The following EZH2 variants were observed in gnomAD, a reference collection of about 807,000 sequenced individuals.
EZH2 encodes the protein enhancer of zeste 2 polycomb repressive complex 2 subunit, also known as histone-lysine N-methyltransferase EZH2.
Under a neutral mutation model 98.4 loss-of-function variants are expected in EZH2, and 18 were observed. That is an observed-to-expected ratio of 0.18 (90% confidence interval 0.13 to 0.27). The LOEUF (loss-of-function observed/expected upper bound fraction) is 0.27, where lower values mean the gene tolerates loss of function less well. EZH2 is among the 10% of genes least tolerant of loss of function. The pLI, the probability that EZH2 is intolerant of heterozygous loss-of-function variation, is 1.00. For missense variants in EZH2, 470 were observed against 935.1 expected (o/e 0.50, Z 6.49); for synonymous variants, 338 against 312.3 (o/e 1.08, Z -0.87).
At position 148,832,745 on chromosome 7, in the gene EZH2, C is replaced by T. The variant is rs763126462; in HGVS notation, c.252G>A (p.Ser84=). 1.3e-6 allele frequency: 2 copies of T among 1,593,430 alleles called. No individual in the cohort carries two copies. The highest frequency in any genetic ancestry group is 1.4e-5 in the African/African-American group (1 of 74,062). The change falls in exon 4 of 20, where the codon TCG becomes TCA. Residue 84 remains serine, a synonymous_variant. Coordinates refer to ENST00000320356, the MANE Select transcript of EZH2 (RefSeq NM_004456.5). ...VSSLRGTREC[S]VTSDLDFPTQ... ...TTGGAAAATCCAAGTCACTGGTCAC[C>T]GAACACTAAAACAGAAAAAATAAAA...
chr7:148,839,632 C>T (rs1377317644), intron 3 of EZH2, among the ~76,000 whole-genome samples: 1 of 151,706 alleles, frequency 6.6e-6, no homozygotes, highest in African/African-American at 2.4e-5. Context: ...GAAACCTCTG[C>T]CTCCTGGGTT....
chr7:148,883,203 T>A (rs977756473), intron 1 of EZH2: 7 of 152,328 alleles, frequency 4.6e-5, no homozygotes, highest in African/African-American at 1.7e-4. Flanking sequence ...TCACTAGGCG[T>A]TCACCAAGTT....
At chr7:148,873,343 C>A (rs1045188625) in intron 1 of EZH2, among the ~76,000 whole-genome samples, 1 of 151,646 alleles carries the variant, frequency 6.6e-6, no homozygotes, top group African/African-American at 2.4e-5. Context: ...AATACAAAAA[C>A]TAGCCGGGCG....
In EZH2 at chr7:148,846,739, T is replaced by C. The variant is rs1814155807; in HGVS notation, c.118-141A>G. ...TCTTAGGTGCATATAGATTTTACAC[T>C]ATAGTTTCCCACATTCAAATAATAC... On this transcript the variant is annotated intron_variant, in intron 2 of 19. Coordinates refer to ENST00000320356, the MANE Select transcript of EZH2 (RefSeq NM_004456.5). 7.0e-6 allele frequency: 5 copies of C among 716,596 alleles called. No homozygotes were observed. The East Asian group carries it at 1.4e-4, about 20-fold the overall frequency. 44.4% of individuals were successfully genotyped at this position (716,596 alleles called of 1,614,324 possible).
At chr7:148,866,192 C>G (rs1482003580) in intron 1 of EZH2, among the ~76,000 whole-genome samples, 2 of 151,970 alleles carry the variant, frequency 1.3e-5, no homozygotes, top group Non-Finnish European at 2.9e-5. Flanking sequence ...AATTTCAAAC[C>G]CTTCAAGTAC....
intron 15 of EZH2, among the ~76,000 whole-genome samples, chr7:148,812,303 G>C (rs1462289490): frequency 6.6e-6 from 1 of 152,158 alleles, no homozygotes; most frequent in Non-Finnish European, 1.5e-5. Flanking sequence ...TCATGATCTT[G>C]TCAGTCCAGT....
At chr7:148,819,210 C>G (rs1805341322) in intron 9 of EZH2, among the ~76,000 whole-genome samples, 1 of 152,034 alleles carries the variant, frequency 6.6e-6, no homozygotes, top group Non-Finnish European at 1.5e-5. Context: ...GACAGTGCAT[C>G]TAAAACTCAA....
At chr7:148,849,369 TAA>T (rs1292137919) in intron 1 of EZH2, among the ~76,000 whole-genome samples, 1 of 152,158 alleles carries the variant, frequency 6.6e-6, no homozygotes, top group South Asian at 2.1e-4. Context: ...AGGGGGCAAC[TAA>T]AGTCTGGCTG....
chr7:148,828,593 A>G, intron 6 of EZH2, 147 bp downstream of exon 6: 2 of 1,071,118 alleles, frequency 1.9e-6, no homozygotes, highest in Non-Finnish European at 2.7e-6. Flanking sequence ...TGGCCATAAT[A>G]TGTTAATTTT....
At chr7:148,813,031 A>T (rs866693023) in intron 15 of EZH2, among the ~76,000 whole-genome samples, 3 of 149,634 alleles carry the variant, frequency 2.0e-5, no homozygotes, top group South Asian at 4.2e-4. Context: ...CAACAAAGAT[A>T]TGTCTACTCT....
At chr7:148,871,416 A>AG (rs1283408349) in intron 1 of EZH2, among the ~76,000 whole-genome samples, 24 of 150,160 alleles carry the variant, frequency 1.6e-4, no homozygotes, top group Middle Eastern at 3.5e-3. Context: ...AAAAAAAAAA[A>AG]AAAAAAAAAG....
At chr7:148,865,734 A>G (rs1818349594) in intron 1 of EZH2, among the ~76,000 whole-genome samples, 1 of 152,206 alleles carries the variant, frequency 6.6e-6, no homozygotes, top group Admixed American at 6.5e-5. Flanking sequence ...CTAACTTTAT[A>G]TCCTAATCCC....
intron 1 of EZH2, among the ~76,000 whole-genome samples, chr7:148,869,337 CCTTT>C: frequency 7.9e-6 from 1 of 127,048 alleles, no homozygotes; most frequent in South Asian, 2.6e-4. Context: ...GCAGCAATAG[CCTTT>C]TTTTTTTTTT....
chr7:148,855,638 G>A (rs1181044509), intron 1 of EZH2, among the ~76,000 whole-genome samples: 1 of 152,028 alleles, frequency 6.6e-6, no homozygotes, highest in Non-Finnish European at 1.5e-5. Flanking sequence ...TGTGGCTCCC[G>A]CCTGTAATCC....
intron 1 of EZH2, among the ~76,000 whole-genome samples, chr7:148,852,785 G>A (rs1284434241): frequency 2.0e-5 from 3 of 152,108 alleles, no homozygotes; most frequent in African/African-American, 7.2e-5. Context: ...AGTTATATGA[G>A]CCAAGAAATT....
At chr7:148,841,692 A>G (rs976335541) in intron 3 of EZH2, among the ~76,000 whole-genome samples, 4 of 152,212 alleles carry the variant, frequency 2.6e-5, no homozygotes, top group Non-Finnish European at 5.9e-5. Flanking sequence ...CATGAAATAC[A>G]CTAGGATATT....
At chr7:148,848,814 G>A (rs759829354) in intron 1 of EZH2, among the ~76,000 whole-genome samples, 2 of 152,106 alleles carry the variant, frequency 1.3e-5, no homozygotes, top group Non-Finnish European at 2.9e-5. Context: ...AGTATCCCTG[G>A]GGAACTGGTT....
chr7:148,816,582 TA>T, intron 12 of EZH2, 101 bp downstream of exon 12: 1 of 800,782 alleles, frequency 1.2e-6, no homozygotes. Context: ...TAAGGTTTTT[TA>T]AAAATAGACT....
intron 8 of EZH2, among the ~76,000 whole-genome samples, chr7:148,824,184 G>A (rs928905349): frequency 2.6e-5 from 4 of 151,918 alleles, no homozygotes; most frequent in African/African-American, 9.7e-5. Flanking sequence ...ACGTGGTGGC[G>A]GGCGCCTGTA....
Sources: gnomAD v4.1 joint callset for allele counts (sites outside exome capture counted in the v4.1 genomes callset) on GRCh38, gnomAD v4.1.1 for gene constraint, MANE v1.5 for transcripts, NCBI Gene and HGNC (gene_info 2026-07-23, HGNC 2026-07-21) for gene names.